CFAP61: variants seen among roughly 807,000 people sequenced by gnomAD.
The protein encoded by CFAP61 is cilia and flagella associated protein 61, also known as cilia- and flagella-associated protein 61.
Under a neutral mutation model 135.6 loss-of-function variants are expected in CFAP61, and 107 were observed. The ratio of observed to expected loss-of-function variants is 0.79; its 90% CI spans 0.67 to 0.93. The LOEUF is 0.93. CFAP61 is among the 40% of genes least tolerant of loss of function. The pLI is 0.00. For synonymous variants in CFAP61, 575 were observed against 578.5 expected, an observed-to-expected ratio of 0.99 and a Z score of 0.09; for missense variants, 1,507 against 1,556.2, an observed-to-expected ratio of 0.97 and a Z score of 0.53.
chr20:20,163,581 C>CAAT (rs1284052391), intron 10 of CFAP61, among the ~76,000 whole-genome samples: 1 of 132,914 alleles, frequency 7.5e-6, no homozygotes, highest in Non-Finnish European at 1.7e-5. Context: ...CATGTGAGAA[C>CAAT]TAGTTTTTTT....
chr20:20,348,783 T>G (rs2058728983), intron 26 of CFAP61, among the ~76,000 whole-genome samples: 2 of 141,212 alleles, frequency 1.4e-5, no homozygotes, highest in African/African-American at 2.6e-5. Flanking sequence ...AATACATTCT[T>G]ATGGTAAAAA....
chr20:20,184,301 T>C lies in CFAP61; in HGVS notation c.1386-3629T>C, dbSNP rs553118599. 2.1e-3 allele frequency among the ~76,000 whole-genome samples: 318 copies of C among 152,336 alleles called. 5 individuals are homozygous for C. Among genetic ancestry groups the C allele is most frequent in the Non-Finnish European group, 2.2e-4 (15 of 68,024 alleles). On this transcript the variant is annotated intron_variant, in intron 13 of 26. Transcript: ENST00000245957. ...ATCTCCATGCAAGCTTCATGATTAG[T>C]TCACTTGACAGCTGTTTATTGAGCA...
In CFAP61 at chr20:20,320,510, G is replaced by A. The variant is rs1300230868; in HGVS notation, c.3423-21321G>A. On this transcript the variant is annotated intron_variant, in intron 25 of 26. Transcript: ENST00000245957. The stretch of plus-strand genomic sequence containing the variant: ...AATATATGTAATATATATTATATAT[G>A]TAATATATAATATATATTATATATG... Among the ~76,000 whole-genome samples the A allele has an allele frequency of 2.2e-3, 16 of 7,178 alleles. 2 individuals are homozygous for A. The highest frequency in any genetic ancestry group is 0.015 in the East Asian group (3 of 202). The allele number at this position is 7,178 out of a possible 152,430, so 4.7% of individuals were successfully genotyped here.
chr20:20,329,177 G>A (rs2057883046), intron 25 of CFAP61, among the ~76,000 whole-genome samples: 2 of 152,002 alleles, frequency 1.3e-5, no homozygotes, highest in South Asian at 4.2e-4. Flanking sequence ...ATTTCCCTGG[G>A]ATTGCCATCA....
chr20:20,120,171 C>T lies in CFAP61; in HGVS notation c.859+21357C>T, dbSNP rs546823041. ...TCCCATCTTTATTTCATTTCTTCCA[C>T]TAATTTTGTGTTTTGTTTGCTCTTG... On this transcript the variant is annotated intron_variant, in intron 8 of 26. Coordinates refer to ENST00000245957, the MANE Select transcript of CFAP61 (RefSeq NM_015585.4). Among the ~76,000 whole-genome samples the T allele has an allele frequency of 1.3e-4, 20 of 152,298 alleles. No homozygotes were observed. The South Asian group carries it at 4.1e-3, about 32-fold the overall frequency.
intron 8 of CFAP61, among the ~76,000 whole-genome samples, chr20:20,130,359 A>G (rs922340377): frequency 2.0e-5 from 3 of 151,830 alleles, no homozygotes; most frequent in East Asian, 3.9e-4. Context: ...TAGAGCTCAC[A>G]TATTGCCGTC....
intron 2 of CFAP61, among the ~76,000 whole-genome samples, chr20:20,061,341 C>T (rs1020246693): frequency 6.6e-6 from 1 of 152,094 alleles, no homozygotes; most frequent in Non-Finnish European, 1.5e-5. Flanking sequence ...ATAATAAATG[C>T]ATCTGGACAA....
intron 20 of CFAP61, among the ~76,000 whole-genome samples, chr20:20,260,831 A>G (rs539154936): frequency 6.6e-6 from 1 of 152,260 alleles, no homozygotes; most frequent in East Asian, 1.9e-4. Context: ...AACTGATGTA[A>G]TGTTACCCAG....
At chr20:20,211,507 CAG>C (rs754315140) in intron 17 of CFAP61, among the ~76,000 whole-genome samples, 38 of 151,956 alleles carry the variant, frequency 2.5e-4, no homozygotes, top group Non-Finnish European at 3.7e-4. Context: ...GACTTAAAAA[CAG>C]GGGAAAAAAA....
chr20:20,337,045 G>A lies in CFAP61; in HGVS notation c.3423-4786G>A, dbSNP rs868304641. ...CTAGGTCTTCTCCTTCCTTGCAACC[G>A]TTAATGTCAGAAGCTCTGAAGACAC... On this transcript the variant is annotated intron_variant, in intron 25 of 26. Transcript: ENST00000245957. Among the ~76,000 whole-genome samples the A allele has an allele frequency of 9.8e-5, 15 of 152,334 alleles. 1 individual carries two copies. The South Asian group carries it at 1.0e-3, about 11-fold the overall frequency.
intron 8 of CFAP61, among the ~76,000 whole-genome samples, chr20:20,116,625 G>A (rs965231991): frequency 1.6e-4 from 24 of 152,170 alleles, no homozygotes; most frequent in African/African-American, 5.8e-4. Flanking sequence ...GAGAGGTAGG[G>A]ATCTAGTTTC....
At chr20:20,199,238 T>G (rs973680764) in intron 16 of CFAP61, among the ~76,000 whole-genome samples, 9 of 151,854 alleles carry the variant, frequency 5.9e-5, no homozygotes, top group African/African-American at 2.2e-4. Context: ...TAAAACAGTT[T>G]TTGTTGTTGT....
At chr20:20,227,582 A>G (rs2146945893) in intron 17 of CFAP61, among the ~76,000 whole-genome samples, 1 of 152,340 alleles carries the variant, frequency 6.6e-6, no homozygotes, top group East Asian at 1.9e-4. Flanking sequence ...AATTCAGGTA[A>G]TTTTTGTAAA....
At chr20:20,055,772 G>T (rs1212469413) in intron 1 of CFAP61, among the ~76,000 whole-genome samples, 2 of 152,100 alleles carry the variant, frequency 1.3e-5, no homozygotes, top group Non-Finnish European at 2.9e-5. Context: ...GGTTAGCTTC[G>T]ATAGGAGTCT....
chr20:20,210,544 T>C (rs1371342176), intron 17 of CFAP61, among the ~76,000 whole-genome samples: 1 of 152,168 alleles, frequency 6.6e-6, no homozygotes, highest in Non-Finnish European at 1.5e-5. Context: ...GGGTCATGAG[T>C]CAGCAGGGAT....
At chr20:20,226,861 G>A (rs1249228844) in intron 17 of CFAP61, among the ~76,000 whole-genome samples, 1 of 152,226 alleles carries the variant, frequency 6.6e-6, no homozygotes, top group East Asian at 1.9e-4. Context: ...GAAAATGGGA[G>A]TGAGTCCAAT....
At chr20:20,075,681 T>C (rs1048427488) in intron 6 of CFAP61, 66 bp downstream of exon 6, 247 of 1,566,392 alleles carry the variant, frequency 1.6e-4, no homozygotes, top group Non-Finnish European at 2.0e-4. Context: ...CCAAGACTCT[T>C]TAAACTACCA....
At chr20:20,161,535 C>T (rs1490525814) in intron 10 of CFAP61, among the ~76,000 whole-genome samples, 1 of 152,160 alleles carries the variant, frequency 6.6e-6, no homozygotes, top group Non-Finnish European at 1.5e-5. Flanking sequence ...ACTCAGGCAT[C>T]TTTATGGGAG....
chr20:20,122,856 G>T (rs566462793), intron 8 of CFAP61, among the ~76,000 whole-genome samples: 2 of 149,810 alleles, frequency 1.3e-5, no homozygotes, highest in Middle Eastern at 3.4e-3. Context: ...TTCCATAGAG[G>T]TTGTACTAGT....
Sources: gnomAD v4.1 joint callset for allele counts (sites outside exome capture counted in the v4.1 genomes callset) on GRCh38, gnomAD v4.1.1 for gene constraint, MANE v1.5 for transcripts, NCBI Gene and HGNC (gene_info 2026-07-23, HGNC 2026-07-21) for gene names.